The following RBFOX1 variants were observed in gnomAD, a reference collection of about 807,000 sequenced individuals.
RBFOX1 encodes the protein RNA binding protein fox-1 homolog 1.
In RBFOX1, 8 loss-of-function variants were observed where a neutral mutation model predicts 57.7. The observed-to-expected ratio is 0.14, with a 90% CI of 0.08 to 0.25. The LOEUF (loss-of-function observed/expected upper bound fraction) is 0.25. Ranked by LOEUF, RBFOX1 falls within the 10% of genes least tolerant of loss-of-function variation. The pLI is 1.00. For synonymous variants in RBFOX1, 326 were observed against 222.4 expected, an observed-to-expected ratio of 1.47 and a Z score of -4.15; for missense variants, 611 against 548.5, an observed-to-expected ratio of 1.11 and a Z score of -1.14.
At chr16:7,233,935 A>G (rs7200633) in intron 4 of RBFOX1, among the ~76,000 whole-genome samples, 40,513 of 152,124 alleles carry the variant, frequency 0.27, 6,124 homozygotes, top group African/African-American at 0.42. Context: ...ACAAATTTCC[A>G]TCTTGACTGG....
At chr16:7,051,460 A>G (rs567114816) in intron 3 of RBFOX1, among the ~76,000 whole-genome samples, 6 of 152,336 alleles carry the variant, frequency 3.9e-5, no homozygotes, top group Non-Finnish European at 8.8e-5. Context: ...CCACTTTCCT[A>G]TCTGATGGCC....
chr16:7,433,310 T>G (rs1370506142), intron 4 of RBFOX1, among the ~76,000 whole-genome samples: 1 of 152,244 alleles, frequency 6.6e-6, no homozygotes, highest in African/African-American at 2.4e-5. Context: ...GCTCTTAGTT[T>G]GCATTCTCCA....
intron 3 of RBFOX1, among the ~76,000 whole-genome samples, chr16:6,780,223 A>ATATTTATC (rs1203443173): frequency 1.4e-5 from 1 of 74,072 alleles, no homozygotes; most frequent in Non-Finnish European, 2.1e-5. Context: ...ATATATTTAT[A>ATATTTATC]TATATATTTA....
chr16:7,529,618 G>T (rs1295135036), intron 5 of RBFOX1, among the ~76,000 whole-genome samples: 1 of 151,850 alleles, frequency 6.6e-6, no homozygotes, highest in Admixed American at 6.6e-5. Flanking sequence ...TATTTTTCTG[G>T]GTTCTCCTGT....
chr16:5,594,013 G>T (rs1375408657), intron 2 of RBFOX1, among the ~76,000 whole-genome samples: 2 of 151,664 alleles, frequency 1.3e-5, no homozygotes, highest in Non-Finnish European at 2.9e-5. Flanking sequence ...TCTGCCCATT[G>T]TTCATGAGGC....
chr16:5,962,590 C>T (rs968682687), intron 4 of RBFOX1, among the ~76,000 whole-genome samples: 1 of 152,144 alleles, frequency 6.6e-6, no homozygotes, highest in Admixed American at 6.5e-5. Flanking sequence ...ATTTCAAATT[C>T]TACCTCATTC....
intron 3 of RBFOX1, among the ~76,000 whole-genome samples, chr16:5,783,747 C>T (rs1347701568): frequency 6.6e-6 from 1 of 152,174 alleles, no homozygotes; most frequent in East Asian, 1.9e-4. Flanking sequence ...CCAAAACTTA[C>T]CAAAAACCTC....
intron 2 of RBFOX1, among the ~76,000 whole-genome samples, chr16:5,474,141 T>A (rs944302687): frequency 6.6e-6 from 1 of 152,196 alleles, no homozygotes; most frequent in Non-Finnish European, 1.5e-5. Flanking sequence ...TAAGAATTTC[T>A]TTGGCATTAC....
intron 4 of RBFOX1, among the ~76,000 whole-genome samples, chr16:5,951,170 G>A (rs746411753): frequency 1.3e-5 from 2 of 152,094 alleles, no homozygotes; most frequent in African/African-American, 4.8e-5. Flanking sequence ...ATATTTGGCC[G>A]GGCACAGTGG....
intron 2 of RBFOX1, among the ~76,000 whole-genome samples, chr16:6,496,516 CT>C (rs2095773276): frequency 6.6e-6 from 1 of 152,174 alleles, no homozygotes; most frequent in Non-Finnish European, 1.5e-5. Context: ...TCAATTTTGC[CT>C]GCCCACTTGA....
At chr16:6,871,908 AGTCTGT>A (rs1567653426) in intron 3 of RBFOX1, among the ~76,000 whole-genome samples, 3 of 85,128 alleles carry the variant, frequency 3.5e-5, no homozygotes, top group South Asian at 4.8e-4. Context: ...AGAGGGAGAG[AGTCTGT>A]GTGTGTGTGT....
intron 1 of RBFOX1, among the ~76,000 whole-genome samples, chr16:6,046,440 C>T (rs2095496128): frequency 6.6e-6 from 1 of 152,100 alleles, no homozygotes; most frequent in Non-Finnish European, 1.5e-5. Context: ...GTTTGAGATG[C>T]CTGTTAAACT....
chr16:5,877,563 T>C (rs1323189322), intron 4 of RBFOX1, among the ~76,000 whole-genome samples: 1 of 152,226 alleles, frequency 6.6e-6, no homozygotes, highest in Non-Finnish European at 1.5e-5. Context: ...CGAAGAGGGT[T>C]CTTGGCTTTG....
At chr16:7,143,918 A>G (rs1202460403) in intron 4 of RBFOX1, among the ~76,000 whole-genome samples, 4 of 152,316 alleles carry the variant, frequency 2.6e-5, no homozygotes, top group Middle Eastern at 3.4e-3. Flanking sequence ...TGTAATGTCT[A>G]TTCACAGACA....
At chr16:6,889,826 C>T (rs1226094017) in intron 3 of RBFOX1, among the ~76,000 whole-genome samples, 1 of 152,156 alleles carries the variant, frequency 6.6e-6, no homozygotes, top group Non-Finnish European at 1.5e-5. Context: ...TTAGGTGGTT[C>T]ACAGACACAG....
intron 3 of RBFOX1, among the ~76,000 whole-genome samples, chr16:5,792,466 C>T (rs1450063523): frequency 6.6e-6 from 1 of 152,184 alleles, no homozygotes; most frequent in Admixed American, 6.5e-5. Context: ...AACATAAACA[C>T]TCACTGAACG....
At chr16:5,468,679 A>G (rs767283994) in intron 2 of RBFOX1, among the ~76,000 whole-genome samples, 8 of 152,258 alleles carry the variant, frequency 5.3e-5, no homozygotes, top group Non-Finnish European at 1.2e-4. Context: ...TGGTCTATCC[A>G]TGCAGTGGAA....
chr16:7,412,132 T>C (rs1281454875), intron 4 of RBFOX1, among the ~76,000 whole-genome samples: 2 of 152,210 alleles, frequency 1.3e-5, no homozygotes, highest in South Asian at 4.2e-4. Context: ...TACTGTAAGA[T>C]GTTAATAATA....
intron 3 of RBFOX1, among the ~76,000 whole-genome samples, chr16:6,891,200 A>G (rs936013283): frequency 1.3e-5 from 2 of 152,358 alleles, no homozygotes; most frequent in East Asian, 1.9e-4. Context: ...AGTGGCTACA[A>G]TAATATTTGT....
Sources: gnomAD v4.1 joint callset for allele counts (sites outside exome capture counted in the v4.1 genomes callset) on GRCh38, gnomAD v4.1.1 for gene constraint, MANE v1.5 for transcripts, NCBI Gene and HGNC (gene_info 2026-07-23, HGNC 2026-07-21) for gene names.